The following SCN10A variants were observed in gnomAD, a reference collection of about 807,000 sequenced individuals.
SCN10A encodes the protein sodium channel protein type 10 subunit alpha.
In SCN10A, 162 loss-of-function variants were observed where a neutral mutation model predicts 170.7. That is an observed-to-expected ratio of 0.95 (90% confidence interval 0.84 to 1.08). SCN10A has a LOEUF of 1.08. Ranked by LOEUF, SCN10A falls within the 50% of genes least tolerant of loss-of-function variation. The pLI is 0.00. For missense variants in SCN10A, 2,527 were observed against 2,436.9 expected, an observed-to-expected ratio of 1.04 and a Z score of -0.78; for synonymous variants, 985 against 904.6, an observed-to-expected ratio of 1.09 and a Z score of -1.59.
intron 4 of SCN10A, among the ~76,000 whole-genome samples, chr3:38,783,158 A>G (rs1242108872): frequency 6.6e-6 from 1 of 152,062 alleles, no homozygotes; most frequent in African/African-American, 2.4e-5. Flanking sequence ...TAGAGGCCCA[A>G]TCTCCAACAT....
At chr3:38,735,066 A>T (rs1376816695) in intron 15 of SCN10A, among the ~76,000 whole-genome samples, 1 of 149,966 alleles carries the variant, frequency 6.7e-6, no homozygotes, top group Non-Finnish European at 1.5e-5. Flanking sequence ...GCTACTCAGG[A>T]GGCTGAGGCA....
At chr3:38,810,286 G>C (rs1037405037) in intron 1 of SCN10A, among the ~76,000 whole-genome samples, 4 of 152,162 alleles carry the variant, frequency 2.6e-5, no homozygotes, top group Non-Finnish European at 4.4e-5. Context: ...CTAAGCAAGA[G>C]CACTGTGAAC....
chr3:38,731,642 T>C (rs1479859893), intron 15 of SCN10A, among the ~76,000 whole-genome samples: 1 of 152,186 alleles, frequency 6.6e-6, no homozygotes, highest in African/African-American at 2.4e-5. Context: ...TGAAATCAAT[T>C]GGAACCAGGA....
intron 15 of SCN10A, among the ~76,000 whole-genome samples, chr3:38,733,760 G>T (rs1452273814): frequency 6.6e-6 from 1 of 151,736 alleles, no homozygotes; most frequent in Admixed American, 6.6e-5. Flanking sequence ...TGCCCTTGTT[G>T]CCCAGGCTGG....
At chr3:38,771,437 A>G in intron 4 of SCN10A, 30 bp from the exon 5 acceptor site, 2 of 1,611,214 alleles carry the variant, frequency 1.2e-6, no homozygotes, top group South Asian at 1.1e-5. Context: ...AGGAGTGTCA[A>G]CTGTGCCATG....
intron 1 of SCN10A, among the ~76,000 whole-genome samples, chr3:38,797,398 T>C (rs1484332185): frequency 1.3e-5 from 2 of 152,176 alleles, no homozygotes; most frequent in South Asian, 2.1e-4. Context: ...ATTACTTTCT[T>C]CTGAGAGCTT....
rs758105444 is a variant in SCN10A at position 38,761,206 on chromosome 3, G to A, written c.869C>T (p.Ser290Leu). 4 of 1,606,106 alleles carry A rather than the reference G, an allele frequency of 2.5e-6. No individual in the cohort carries two copies. In the African/African-American group the frequency reaches 5.3e-5, roughly 21 times the overall value. ...DMAVNETTNY[S>L]SHRKPDIYIN... The stretch of plus-strand genomic sequence containing the variant: ...ACTCCACTCACGTTTTCTGTGAGAT[G>A]AGTAGTTGGTTGTCTCATTGACAGC... Residue 290 changes from serine to leucine, a missense_variant, in exon 7 of 28, where the codon TCA becomes TTA. Ser to Leu is a moderately radical substitution (Grantham distance 145). Transcript: ENST00000449082.
chr3:38,746,407 A>G (rs1032376426), intron 13 of SCN10A, among the ~76,000 whole-genome samples: 21 of 151,956 alleles, frequency 1.4e-4, no homozygotes, highest in African/African-American at 4.8e-4. Flanking sequence ...TCACTACCCC[A>G]GAGTTCAAGC....
intron 5 of SCN10A, 99 bp downstream of exon 5, chr3:38,771,180 A>T: frequency 7.4e-7 from 1 of 1,356,616 alleles, no homozygotes; most frequent in East Asian, 2.3e-5. Flanking sequence ...GAGTCTCCAC[A>T]CTCTGTCCAA....
In SCN10A at chr3:38,701,994, CT is replaced by C. The variant is rs1274321250; in HGVS notation, c.4501del (p.Ser1501ValfsTer25). ...ITMMVETDDQSEEKTKILGKI... is the reference protein window; with the variant it reads ...ITMMVETDDQXEEKTKILGKI... ...GCCCAGAATTTTCGTCTTTTCTTCA[CT>C]TTGGTCATCAGTCTCCACCATCATG... On this transcript the variant is annotated frameshift_variant, in exon 27 of 28. Coordinates refer to ENST00000449082, the MANE Select transcript of SCN10A (RefSeq NM_006514.4). LOFTEE classifies it high-confidence loss of function. 6.2e-7 allele frequency: 1 copy of C among 1,614,160 alleles called. No individual in the cohort carries two copies. The highest frequency in any genetic ancestry group is 8.5e-7 in the Non-Finnish European group (1 of 1,179,988).
chr3:38,750,486 A>G (rs561806415), intron 12 of SCN10A, among the ~76,000 whole-genome samples: 7 of 152,366 alleles, frequency 4.6e-5, no homozygotes, highest in African/African-American at 1.2e-4. Flanking sequence ...TAAACAGTTA[A>G]TAAACATAAA....
At position 38,757,853 on chromosome 3, in the gene SCN10A, T is replaced by C. The variant is rs78533485; in HGVS notation, c.951-694A>G. 3.6e-3 allele frequency among the ~76,000 whole-genome samples: 542 copies of C among 152,258 alleles called. 4 individuals carry two copies. Among genetic ancestry groups the C allele is most frequent in the African/African-American group, 0.012 (507 of 41,550 alleles). The stretch of plus-strand genomic sequence containing the variant: ...ATTAAAAATGACTGCCTGGTGAGTA[T>C]TGAGGTGGGAATGCTGAACTCCTTC... On this transcript the variant is annotated intron_variant, in intron 8 of 27. Transcript: ENST00000449082.
At chr3:38,730,078 T>C (rs6797763) in intron 15 of SCN10A, among the ~76,000 whole-genome samples, 15,316 of 152,158 alleles carry the variant, frequency 0.1, 1,408 homozygotes, top group African/African-American at 0.23. Flanking sequence ...GTAACTAGTA[T>C]GGGGAGCAGG....
At chr3:38,746,087 A>C (rs928605549) in intron 13 of SCN10A, among the ~76,000 whole-genome samples, 1 of 114,764 alleles carries the variant, frequency 8.7e-6, no homozygotes, top group African/African-American at 3.1e-5. Flanking sequence ...ATATATATAT[A>C]TATATATATA....
At chr3:38,702,526 T>C (rs2063167457) in intron 26 of SCN10A, among the ~76,000 whole-genome samples, 1 of 152,262 alleles carries the variant, frequency 6.6e-6, no homozygotes, top group South Asian at 2.1e-4. Flanking sequence ...CCTCGAGTTC[T>C]AGCATTTTGT....
intron 18 of SCN10A, 100 bp from the exon 19 acceptor site, chr3:38,723,653 T>C: frequency 1.5e-6 from 2 of 1,365,188 alleles, no homozygotes; most frequent in Admixed American, 2.1e-5. Context: ...GTTTGGTGCC[T>C]CGCCAGCTGA....
chr3:38,720,893 T>C (rs2063382824), intron 20 of SCN10A, among the ~76,000 whole-genome samples: 1 of 152,224 alleles, frequency 6.6e-6, no homozygotes, highest in Admixed American at 6.5e-5. Flanking sequence ...GAGAAAGCAC[T>C]GCCCAGCCCT....
In SCN10A at chr3:38,722,443, T is replaced by C. The variant is rs200108785; in HGVS notation, c.3353-31A>G. On this transcript the variant is annotated intron_variant, in intron 19 of 27. Transcript: ENST00000449082. The stretch of plus-strand genomic sequence containing the variant: ...GGGAGAGGTGACTGATGGTGGGTGA[T>C]GGCCAGTGGGCAAAGGGGATAATTT... The C allele has an allele frequency of 4.4e-6, 7 of 1,607,310 alleles. No individual in the cohort carries two copies. In the East Asian group the frequency reaches 1.6e-4, roughly 36 times the overall value.
chr3:38,703,519 GA>G (rs543604520), intron 26 of SCN10A, among the ~76,000 whole-genome samples: 5 of 152,150 alleles, frequency 3.3e-5, no homozygotes, highest in Non-Finnish European at 5.9e-5. Flanking sequence ...TATCCTGACA[GA>G]GATTGTTCTC....
Sources: gnomAD v4.1 joint callset for allele counts (sites outside exome capture counted in the v4.1 genomes callset) on GRCh38, gnomAD v4.1.1 for gene constraint, MANE v1.5 for transcripts, NCBI Gene and HGNC (gene_info 2026-07-23, HGNC 2026-07-21) for gene names.